Variants in SPINK13 observed in about 807,000 individuals in gnomAD.
SPINK13 encodes serine protease inhibitor Kazal-type 13.
A neutral mutation model predicts 11.0 loss-of-function variants in SPINK13; 11 were observed. That is an observed-to-expected ratio of 1.00 (90% CI 0.63 to 1.65). The LOEUF (loss-of-function observed/expected upper bound fraction) is 1.65. SPINK13 is among the 40% of genes most tolerant of loss of function. The probability of loss-of-function intolerance (pLI) is 0.00; values close to 1 mark genes in which losing one functional copy is unlikely to be tolerated. For missense variants in SPINK13, 113 were observed against 117.7 expected, an observed-to-expected ratio of 0.96 and a Z score of 0.19; for synonymous variants, 31 against 35.6, an observed-to-expected ratio of 0.87 and a Z score of 0.46.
At chr5:148,285,912 C>T (rs1294874425) in intron 4 of SPINK13, 88 bp from the exon 5 acceptor site, 6 of 712,268 alleles carry the variant, frequency 8.4e-6, no homozygotes, top group Non-Finnish European at 1.4e-5. Flanking sequence ...CTTTTCAGGA[C>T]CTCTTTTAGA....
At chr5:148,269,893 T>C (rs901299600) in intron 1 of SPINK13, 147 bp from the exon 2 acceptor site, 26 of 467,244 alleles carry the variant, frequency 5.6e-5, no homozygotes, top group Non-Finnish European at 7.5e-5. Context: ...AAAAGGGCTC[T>C]CTCAGGCCTG....
At position 148,274,367 on chromosome 5, in the gene SPINK13, T is replaced by C; in HGVS notation, c.91T>C (p.Phe31Leu). 1 of 1,612,392 alleles carries C rather than the reference T, an allele frequency of 6.2e-7. No individual in the cohort carries two copies. The highest frequency in any genetic ancestry group is 8.5e-7 in the Non-Finnish European group (1 of 1,178,686). The change falls in exon 3 of 5, where the codon TTC becomes CTC. Residue 31 changes from phenylalanine (F) to leucine (L), a missense_variant. Transcript: ENST00000398450. Reference protein sequence around the residue: ...AFSGIFNKRDFTRWPKPRCKM... With the variant: ...AFSGIFNKRDLTRWPKPRCKM... ...AGCAGGAATTTTCAATAAACGTGAC[T>C]TCACTAGGTGGCCTAAGGTAAATTT...
intron 2 of SPINK13, among the ~76,000 whole-genome samples, chr5:148,272,201 C>T (rs1357626211): frequency 6.6e-6 from 1 of 152,046 alleles, no homozygotes; most frequent in Admixed American, 6.6e-5. Context: ...TTTTTTGATG[C>T]ACGTGAACGA....
At chr5:148,275,951 G>T (rs1756421423) in intron 3 of SPINK13, among the ~76,000 whole-genome samples, 1 of 152,068 alleles carries the variant, frequency 6.6e-6, no homozygotes, top group African/African-American at 2.4e-5. Context: ...GTGAGCCACT[G>T]CGCCCGACCT....
At chr5:148,285,741 G>C (rs1409827070) in intron 4 of SPINK13, among the ~76,000 whole-genome samples, 1 of 151,974 alleles carries the variant, frequency 6.6e-6, no homozygotes, top group Non-Finnish European at 1.5e-5. Context: ...GAAAGGTATT[G>C]AGATGGGAAT....
chr5:148,282,187 T>C lies in SPINK13; in HGVS notation c.192T>C (p.Asn64=), dbSNP rs2113374932. 2 of 1,614,204 alleles carry C rather than the reference T, an allele frequency of 1.2e-6. No homozygotes were observed. Among genetic ancestry groups the C allele is most frequent in the East Asian group, 2.2e-5 (1 of 44,872 alleles). Residue 64 remains asparagine, a synonymous_variant, in exon 4 of 5, where the codon AAT becomes AAC. Coordinates refer to ENST00000398450, the MANE Select transcript of SPINK13 (RefSeq NM_001040129.3). ...PNVTAPVCAS[N]GHTFQNECFF... Reference sequence around the variant, plus strand: ...TGACAGCACCTGTTTGTGCCTCAAATGGCCACACTTTCCAGAATGAGTGTT... The same window carrying C: ...TGACAGCACCTGTTTGTGCCTCAAACGGCCACACTTTCCAGAATGAGTGTT...
chr5:148,280,742 C>T lies in SPINK13; in HGVS notation c.109-1362C>T, dbSNP rs116496663. On this transcript the variant is annotated intron_variant, in intron 3 of 4. Transcript: ENST00000398450. ...AGACCCCTGCTGGGAGGCATCTCCC[C>T]CTCAGGAGGCACGGGGGTCAGGGAC... Among the ~76,000 whole-genome samples, 656 of 152,308 alleles carry T rather than the reference C, an allele frequency of 4.3e-3. 5 individuals are homozygous for T. Among genetic ancestry groups the T allele is most frequent in the African/African-American group, 0.015 (628 of 41,566 alleles).
intron 1 of SPINK13, 79 bp from the exon 2 acceptor site, chr5:148,269,961 A>T: frequency 1.0e-6 from 1 of 987,644 alleles, no homozygotes; most frequent in Non-Finnish European, 1.5e-6. Context: ...GAATGGTATC[A>T]CCTTAGGGTA....
chr5:148,279,479 G>A (rs376740896), intron 3 of SPINK13, among the ~76,000 whole-genome samples: 2 of 152,174 alleles, frequency 1.3e-5, no homozygotes, highest in African/African-American at 4.8e-5. Flanking sequence ...GCCTGGTGGT[G>A]ACAAAAATCC....
Position 148,282,224 on chromosome 5 carries a change from G to A in SPINK13, c.229G>A (p.Glu77Lys), listed in dbSNP as rs267600477. 1 of 1,614,068 alleles carries A rather than the reference G, an allele frequency of 6.2e-7. No individual in the cohort carries two copies. The highest frequency in any genetic ancestry group is 1.7e-5 in the Admixed American group (1 of 60,012). ...CCAGAATGAGTGTTTCTTTTGTGTTGAACAGAGGTAAGTTCAGAATAAAAT... is the reference window on the plus strand; with the variant it reads ...CCAGAATGAGTGTTTCTTTTGTGTTAAACAGAGGTAAGTTCAGAATAAAAT... ...TFQNECFFCV[E>K]QREFHYRIKF... The change falls in exon 4 of 5, where the codon GAA becomes AAA. Residue 77 changes from glutamate (E) to lysine (K), a missense_variant. Physicochemically the swap from Glu to Lys is moderately conservative, Grantham distance 56 (BLOSUM62 1). Coordinates refer to ENST00000398450, the MANE Select transcript of SPINK13 (RefSeq NM_001040129.3).
At chr5:148,283,431 G>T (rs879640008) in intron 4 of SPINK13, among the ~76,000 whole-genome samples, 20 of 152,166 alleles carry the variant, frequency 1.3e-4, no homozygotes, top group African/African-American at 4.8e-4. Flanking sequence ...AGGGCTCGTA[G>T]GTTATCTCCC....
chr5:148,270,356 A>G lies in SPINK13; in HGVS notation c.70+214A>G, dbSNP rs553780812. 2.0e-5 allele frequency among the ~76,000 whole-genome samples: 3 copies of G among 152,308 alleles called. No individual in the cohort carries two copies. The East Asian group carries it at 5.8e-4, about 29-fold the overall frequency. ...TCACAACCTCGTGTCTATTCTGTCAATTCAAAAGAAATCCTCTAGAGCAGA... is the reference window on the plus strand; with the variant it reads ...TCACAACCTCGTGTCTATTCTGTCAGTTCAAAAGAAATCCTCTAGAGCAGA... On this transcript the variant is annotated intron_variant, in intron 2 of 4. Transcript: ENST00000398450.
At chr5:148,285,170 C>T (rs1756571516) in intron 4 of SPINK13, among the ~76,000 whole-genome samples, 1 of 152,092 alleles carries the variant, frequency 6.6e-6, no homozygotes, top group Non-Finnish European at 1.5e-5. Flanking sequence ...ATCATGTGTT[C>T]CAAACAACCA....
chr5:148,270,615 C>T (rs916147444), intron 2 of SPINK13: 1 of 153,096 alleles, frequency 6.5e-6, no homozygotes, highest in Non-Finnish European at 1.5e-5. Flanking sequence ...ATGTTACCTG[C>T]TAATTATAGA....
chr5:148,271,637 C>T (rs1406172565), intron 2 of SPINK13, among the ~76,000 whole-genome samples: 1 of 151,766 alleles, frequency 6.6e-6, no homozygotes, highest in East Asian at 1.9e-4. Context: ...TCATAAAGGA[C>T]TTTTTGTTTT....
chr5:148,269,948 C>G, intron 1 of SPINK13, 92 bp from the exon 2 acceptor site: 1 of 862,102 alleles, frequency 1.2e-6, no homozygotes, highest in Non-Finnish European at 1.8e-6. Flanking sequence ...GGCAAGTGTA[C>G]AGGAATGGTA....
Position 148,270,029 on chromosome 5 carries a change from C to A in SPINK13, c.-33-11C>A. 6.3e-7 allele frequency: 1 copy of A among 1,586,478 alleles called. No homozygotes were observed. Among genetic ancestry groups the A allele is most frequent in the African/African-American group, 1.3e-5 (1 of 74,296 alleles). On this transcript the variant is annotated splice_polypyrimidine_tract_variant and intron_variant, in intron 1 of 4. Transcript: ENST00000398450. ...GGGGGAAACTAAAAACAATCTTGGG[C>A]ATGTTCACAGGCCTTATCAAAGAAG... is the stretch of plus-strand genomic sequence containing the variant.
intron 3 of SPINK13, among the ~76,000 whole-genome samples, chr5:148,278,773 T>G (rs1756469844): frequency 6.6e-6 from 1 of 152,240 alleles, no homozygotes; most frequent in African/African-American, 2.4e-5. Flanking sequence ...GTTCTGTAGA[T>G]GTCTATTAGG....
At chr5:148,274,229 T>G (rs77094817) in intron 2 of SPINK13, 118 bp from the exon 3 acceptor site, 14,029 of 612,256 alleles carry the variant, frequency 0.023, 708 homozygotes, top group African/African-American at 0.14. Flanking sequence ...TTAAAATTCT[T>G]TTGTATATAT....
Sources: allele counts gnomAD v4.1 joint callset (sites outside exome capture counted in the v4.1 genomes callset), GRCh38; gene constraint gnomAD v4.1.1; transcripts MANE v1.5; gene names NCBI Gene and HGNC (gene_info 2026-07-23, HGNC 2026-07-21).